WDR17: variants seen among roughly 807,000 people sequenced by gnomAD.
WDR17 encodes WD repeat domain 17.
WDR17 carries 143 observed loss-of-function variants against 161.7 expected under a neutral mutation model. The observed-to-expected ratio is 0.88, with a 90% CI of 0.77 to 1.02. The LOEUF (loss-of-function observed/expected upper bound fraction) is 1.02, where lower values mean the gene tolerates loss of function less well. Among genes scored for constraint, WDR17 ranks in the 50% least tolerant of loss-of-function variants. The pLI, the probability that WDR17 is intolerant of heterozygous loss-of-function variation, is 0.00. For synonymous variants in WDR17, 517 were observed against 515.6 expected, an observed-to-expected ratio of 1.00 and a Z score of -0.04; for missense variants, 1,469 against 1,520.9, an observed-to-expected ratio of 0.97 and a Z score of 0.57.
At chr4:176,121,064 G>C (rs1311559403) in intron 4 of WDR17, among the ~76,000 whole-genome samples, 1 of 152,058 alleles carries the variant, frequency 6.6e-6, no homozygotes, top group Non-Finnish European at 1.5e-5. Context: ...TTCTTCCCCA[G>C]CTTCTCTCTC....
chr4:176,093,723 G>C (rs1736434167), intron 1 of WDR17, among the ~76,000 whole-genome samples: 1 of 151,786 alleles, frequency 6.6e-6, no homozygotes, highest in Non-Finnish European at 1.5e-5. Context: ...CCCCTCTGAG[G>C]TCAGCTAAAG....
chr4:176,108,128 T>C (rs867988518), intron 1 of WDR17, among the ~76,000 whole-genome samples: 128 of 152,054 alleles, frequency 8.4e-4, no homozygotes, highest in African/African-American at 3.0e-3. Flanking sequence ...AACCTTACAC[T>C]CCTGGTTGCA....
intron 1 of WDR17, among the ~76,000 whole-genome samples, chr4:176,081,939 A>G (rs1374979932): frequency 6.6e-6 from 1 of 152,122 alleles, no homozygotes; most frequent in East Asian, 1.9e-4. Context: ...TACCAAAAGA[A>G]TGTGGGACTC....
At chr4:176,168,615 G>A (rs776277363) in intron 22 of WDR17, 57 bp from the exon 23 acceptor site, 26 of 1,603,888 alleles carry the variant, frequency 1.6e-5, no homozygotes, top group Non-Finnish European at 2.1e-5. Context: ...AGATAGTTAT[G>A]AATGTTATTT....
intron 1 of WDR17, among the ~76,000 whole-genome samples, chr4:176,084,435 T>C (rs569403917): frequency 1.4e-4 from 21 of 152,216 alleles, no homozygotes; most frequent in African/African-American, 4.8e-4. Flanking sequence ...AATCTATTTA[T>C]AAGAGAGCTG....
At chr4:176,101,784 G>A (rs1423890166) in intron 1 of WDR17, among the ~76,000 whole-genome samples, 1 of 151,922 alleles carries the variant, frequency 6.6e-6, no homozygotes, top group Non-Finnish European at 1.5e-5. Context: ...AACAAAGATA[G>A]TCTTTTCAAC....
At chr4:176,123,635 GGCA>G (rs1242195170) in intron 4 of WDR17, among the ~76,000 whole-genome samples, 1 of 152,198 alleles carries the variant, frequency 6.6e-6, no homozygotes, top group Non-Finnish European at 1.5e-5. Context: ...AAAAGGGCAA[GGCA>G]TATGGGAAAG....
In WDR17 at chr4:176,110,370, C is replaced by T. The variant is rs185519117; in HGVS notation, c.-6-1205C>T. 1.7e-4 allele frequency among the ~76,000 whole-genome samples: 26 copies of T among 152,274 alleles called. No individual in the cohort carries two copies. The East Asian group carries it at 4.6e-3, about 27-fold the overall frequency. On this transcript the variant is annotated intron_variant, in intron 1 of 28. Transcript: ENST00000508596. The stretch of plus-strand genomic sequence containing the variant: ...GTTAGCCTCCTGACGTCGTGATCCG[C>T]CCTCTTCGGCCTCCCAAAGAGCTGG...
intron 4 of WDR17, among the ~76,000 whole-genome samples, chr4:176,120,811 G>A (rs1000899211): frequency 6.6e-6 from 1 of 151,268 alleles, no homozygotes; most frequent in Non-Finnish European, 1.5e-5. Context: ...TCAGGAACAC[G>A]ATAACTACTT....
At chr4:176,097,744 C>T (rs758254107) in intron 1 of WDR17, among the ~76,000 whole-genome samples, 4,672 of 80,850 alleles carry the variant, frequency 0.058, 188 homozygotes, top group African/African-American at 0.17. Context: ...CACACACATA[C>T]ACACACACAC....
At chr4:176,084,976 A>C (rs1419980044) in intron 1 of WDR17, among the ~76,000 whole-genome samples, 2 of 151,668 alleles carry the variant, frequency 1.3e-5, no homozygotes, top group Non-Finnish European at 2.9e-5. Context: ...TCTTTGCGTC[A>C]CCACCACCCT....
At chr4:176,086,286 C>T (rs1416041907) in intron 1 of WDR17, among the ~76,000 whole-genome samples, 1 of 151,850 alleles carries the variant, frequency 6.6e-6, no homozygotes, top group African/African-American at 2.4e-5. Context: ...GGTACAGTAT[C>T]ATATATATGT....
chr4:176,097,834 T>C (rs1364222166), intron 1 of WDR17, among the ~76,000 whole-genome samples: 1 of 151,950 alleles, frequency 6.6e-6, no homozygotes, highest in Non-Finnish European at 1.5e-5. Flanking sequence ...AAAATGCTTT[T>C]TAATGAAATG....
In WDR17 at chr4:176,135,187, C is replaced by G. The variant is rs73874936; in HGVS notation, c.1178C>G (p.Thr393Ser). 3.1e-3 allele frequency: 5,012 copies of G among 1,612,322 alleles called. 128 individuals carry two copies. The African/African-American group carries it at 0.054, about 17-fold the overall frequency. Reference sequence around the variant, plus strand: ...TTAGCAACAGCTTCATTTGATGGCACTATAAAAGTCTGGGATATAAACACA... The same window carrying G: ...TTAGCAACAGCTTCATTTGATGGCAGTATAAAAGTCTGGGATATAAACACA... ...NLLATASFDG[T>S]IKVWDINTLT... The change falls in exon 8 of 29, where the codon ACT (threonine) becomes AGT (serine). Residue 393 changes from threonine to serine, a missense_variant. By Grantham distance (58) the Thr-to-Ser change is moderately conservative. Transcript: ENST00000508596.
chr4:176,128,693 T>G, intron 5 of WDR17, 45 bp from the exon 6 acceptor site: 1 of 1,574,810 alleles, frequency 6.3e-7, no homozygotes, highest in Non-Finnish European at 8.6e-7. Flanking sequence ...CATTTTAGTT[T>G]CATACAAAAC....
intron 28 of WDR17, among the ~76,000 whole-genome samples, chr4:176,178,924 A>C (rs1210934973): frequency 6.6e-6 from 1 of 152,196 alleles, no homozygotes; most frequent in Non-Finnish European, 1.5e-5. Context: ...CATATATCAT[A>C]ACTGATGCAA....
chr4:176,159,308 C>CGGAG (rs1748664646), intron 18 of WDR17, among the ~76,000 whole-genome samples: 1 of 137,796 alleles, frequency 7.3e-6, no homozygotes, highest in Admixed American at 7.1e-5. Context: ...TACACACACA[C>CGGAG]AGATGGAGAG....
intron 1 of WDR17, among the ~76,000 whole-genome samples, chr4:176,099,449 G>C (rs901417597): frequency 7.2e-5 from 11 of 152,156 alleles, no homozygotes; most frequent in African/African-American, 2.7e-4. Flanking sequence ...GGGAGCTTTT[G>C]TAAGTTTTAC....
At chr4:176,141,019 GC>G (rs1279217078) in intron 10 of WDR17, among the ~76,000 whole-genome samples, 2 of 152,114 alleles carry the variant, frequency 1.3e-5, no homozygotes, top group African/African-American at 4.8e-5. Context: ...GTGTTGGTGG[GC>G]CTAATAACAT....
Sources: gnomAD v4.1 joint callset for allele counts (sites outside exome capture counted in the v4.1 genomes callset) on GRCh38, gnomAD v4.1.1 for gene constraint, MANE v1.5 for transcripts, NCBI Gene and HGNC (gene_info 2026-07-23, HGNC 2026-07-21) for gene names.